The following ZC3H12C variants were observed in gnomAD, a reference collection of about 807,000 sequenced individuals.
The protein encoded by ZC3H12C is zinc finger CCCH-type containing 12C.
In ZC3H12C, 20 loss-of-function variants were observed where a neutral mutation model predicts 76.3. The observed-to-expected ratio is 0.26, with a 90% CI of 0.18 to 0.38. The LOEUF (loss-of-function observed/expected upper bound fraction) is 0.38, where lower values mean the gene tolerates loss of function less well. Ranked by LOEUF, ZC3H12C falls within the 10% of genes least tolerant of loss-of-function variation. ZC3H12C has a pLI of 1.00. For missense variants in ZC3H12C, 874 were observed against 1,086.5 expected, an observed-to-expected ratio of 0.80 and a Z score of 2.75; for synonymous variants, 352 against 399.6, an observed-to-expected ratio of 0.88 and a Z score of 1.42.
chr11:110,159,199 C>T, intron 3 of ZC3H12C, 57 bp from the exon 4 acceptor site: 2 of 1,335,488 alleles, frequency 1.5e-6, no homozygotes, highest in East Asian at 5.0e-5. Context: ...ATGAAAGTTG[C>T]CATGTGTGTT....
At chr11:110,149,997 T>A (rs1862241976) in intron 2 of ZC3H12C, among the ~76,000 whole-genome samples, 1 of 152,180 alleles carries the variant, frequency 6.6e-6, no homozygotes, top group African/African-American at 2.4e-5. Context: ...TCTTTTCATA[T>A]TTAAATATTT....
rs560239388 is a variant in ZC3H12C at position 110,103,648 on chromosome 11, C to T, written c.21+10216C>T. Among the ~76,000 whole-genome samples, 17 of 152,044 alleles carry T rather than the reference C, an allele frequency of 1.1e-4. No individual in the cohort carries two copies. In the East Asian group the frequency reaches 3.3e-3, roughly 29 times the overall value. On this transcript the variant is annotated intron_variant, in intron 1 of 5. Transcript: ENST00000278590. ...TGAGACAGAGTCTCGCTCTGTTGCC[C>T]AGGCTGGAGTGCAGTGGTGCGAACT...
At chr11:110,104,438 T>A (rs548318299) in intron 1 of ZC3H12C, among the ~76,000 whole-genome samples, 1 of 152,338 alleles carries the variant, frequency 6.6e-6, no homozygotes, top group Admixed American at 6.5e-5. Flanking sequence ...CTTGCTGACA[T>A]GATCGTTCCC....
chr11:110,148,793 CTATT>C (rs1402676619), intron 2 of ZC3H12C, among the ~76,000 whole-genome samples: 3 of 152,208 alleles, frequency 2.0e-5, no homozygotes, highest in African/African-American at 7.2e-5. Context: ...TGAATGTTCT[CTATT>C]TATAAGCAAT....
In ZC3H12C at chr11:110,167,407, C is replaced by A. The variant is rs1862603435; in HGVS notation, c.*1670C>A. On this transcript the variant is annotated 3_prime_UTR_variant, in exon 6 of 6. Transcript: ENST00000278590. ...CAAATTTTTAAAGTAAAATTGAGGTCTAGAATAGATTAGAAAATAAAAATA... is the reference window on the plus strand; with the variant it reads ...CAAATTTTTAAAGTAAAATTGAGGTATAGAATAGATTAGAAAATAAAAATA... The A allele has an allele frequency of 6.6e-6, 1 of 151,748 alleles. No homozygotes were observed. Among genetic ancestry groups the A allele is most frequent in the South Asian group, 2.1e-4 (1 of 4,818 alleles). 9.4% of individuals were successfully genotyped at this position (151,748 alleles called of 1,614,324 possible).
chr11:110,137,946 G>A (rs1407919999), intron 2 of ZC3H12C, among the ~76,000 whole-genome samples: 2 of 152,020 alleles, frequency 1.3e-5, no homozygotes, highest in Non-Finnish European at 2.9e-5. Context: ...GGAAAAAAAA[G>A]CAAAACTTTC....
chr11:110,134,957 A>C (rs1339389224), intron 1 of ZC3H12C, among the ~76,000 whole-genome samples: 1 of 152,154 alleles, frequency 6.6e-6, no homozygotes, highest in Non-Finnish European at 1.5e-5. Context: ...CTCTAATTAA[A>C]GTTTACCAGG....
At chr11:110,120,063 A>G (rs986723323) in intron 1 of ZC3H12C, among the ~76,000 whole-genome samples, 4 of 152,160 alleles carry the variant, frequency 2.6e-5, no homozygotes, top group African/African-American at 9.7e-5. Flanking sequence ...ACATGTATTT[A>G]TTATTTAAAT....
chr11:110,168,176 T>C lies in ZC3H12C; in HGVS notation c.*2439T>C, dbSNP rs944512906. On this transcript the variant is annotated 3_prime_UTR_variant, in exon 6 of 6. Transcript: ENST00000278590. Reference sequence around the variant, plus strand: ...TAGCTGACTATTTGTCATTGCCTCATGGATTTTAAATTATGGGAAAATAGT... The same window carrying C: ...TAGCTGACTATTTGTCATTGCCTCACGGATTTTAAATTATGGGAAAATAGT... 6.6e-6 allele frequency: 1 copy of C among 152,190 alleles called. No homozygotes were observed. Among genetic ancestry groups the C allele is most frequent in the Non-Finnish European group, 1.5e-5 (1 of 68,018 alleles). The allele number at this position is 152,190 out of a possible 1,614,324, so 9.4% of individuals were successfully genotyped here.
In ZC3H12C at chr11:110,170,093, T is replaced by A. The variant is rs1862649262; in HGVS notation, c.*4356T>A. ...GAAAATCTGGTAGTTTTTGATGTCCTTCAAAAGAGGATTGTTAGACATTGA... is the reference window on the plus strand; with the variant it reads ...GAAAATCTGGTAGTTTTTGATGTCCATCAAAAGAGGATTGTTAGACATTGA... On this transcript the variant is annotated 3_prime_UTR_variant, in exon 6 of 6. Transcript: ENST00000278590. The A allele has an allele frequency of 6.6e-6, 1 of 152,218 alleles. No homozygotes were observed. Among genetic ancestry groups the A allele is most frequent in the Admixed American group, 6.5e-5 (1 of 15,282 alleles). The allele number at this position is 152,218 out of a possible 1,614,324, so 9.4% of individuals were successfully genotyped here. A position where few individuals can be genotyped will look rare whatever the true frequency, so the allele number is the denominator to read the frequency against.
chr11:110,109,824 TG>T (rs780699703), intron 1 of ZC3H12C, among the ~76,000 whole-genome samples: 1 of 152,212 alleles, frequency 6.6e-6, no homozygotes, highest in Non-Finnish European at 1.5e-5. Context: ...TACAGTTATT[TG>T]GAAGAGCATT....
chr11:110,163,617 G>A lies in ZC3H12C; in HGVS notation c.1255+238G>A, dbSNP rs973613617. Among the ~76,000 whole-genome samples the A allele has an allele frequency of 8.5e-5, 13 of 152,274 alleles. No homozygotes were observed. In the South Asian group the frequency reaches 1.9e-3, roughly 22 times the overall value. ...GTTCAAAAAACACTGTTAATTCTACGTGAAGTTAGTTTTGAAGTGAATAAA... is the reference window on the plus strand; with the variant it reads ...GTTCAAAAAACACTGTTAATTCTACATGAAGTTAGTTTTGAAGTGAATAAA... On this transcript the variant is annotated intron_variant, in intron 5 of 5. Transcript: ENST00000278590.
intron 4 of ZC3H12C, among the ~76,000 whole-genome samples, chr11:110,160,650 T>C (rs1160479288): frequency 6.6e-6 from 1 of 152,198 alleles, no homozygotes; most frequent in Non-Finnish European, 1.5e-5. Flanking sequence ...GGGGCAGTAC[T>C]ATGCGTGGAG....
intron 1 of ZC3H12C, among the ~76,000 whole-genome samples, chr11:110,123,290 G>C (rs553355039): frequency 1.3e-5 from 2 of 152,272 alleles, no homozygotes; most frequent in East Asian, 3.9e-4. Flanking sequence ...CATTCCGTGA[G>C]TATTTACAGG....
At chr11:110,103,549 C>T (rs1861258321) in intron 1 of ZC3H12C, among the ~76,000 whole-genome samples, 1 of 151,744 alleles carries the variant, frequency 6.6e-6, no homozygotes, top group Non-Finnish European at 1.5e-5. Context: ...GCTTATCTTC[C>T]AGGTAATGGA....
At chr11:110,122,425 T>C (rs1861666831) in intron 1 of ZC3H12C, among the ~76,000 whole-genome samples, 1 of 152,198 alleles carries the variant, frequency 6.6e-6, no homozygotes, top group Non-Finnish European at 1.5e-5. Flanking sequence ...TAATCAATCA[T>C]GTGCCTTCTG....
intron 3 of ZC3H12C, among the ~76,000 whole-genome samples, chr11:110,153,878 C>T (rs1053195855): frequency 6.6e-6 from 1 of 152,200 alleles, no homozygotes; most frequent in Non-Finnish European, 1.5e-5. Context: ...GCAATGATGT[C>T]CTCTGTAACT....
At position 110,105,658 on chromosome 11, in the gene ZC3H12C, T is replaced by TA. The variant is rs1428062473; in HGVS notation, c.21+12232dup. ...ATTTATAATTCTTTTTTTCATCTTTTAAAAAATCTATTAATCTTTATAAAC... is the reference window on the plus strand; with the variant it reads ...ATTTATAATTCTTTTTTTCATCTTTTAAAAAAATCTATTAATCTTTATAAAC... On this transcript the variant is annotated intron_variant, in intron 1 of 5. Coordinates refer to ENST00000278590, the MANE Select transcript of ZC3H12C (RefSeq NM_033390.2). Among the ~76,000 whole-genome samples, 3 of 152,284 alleles carry TA rather than the reference T, an allele frequency of 2.0e-5. No individual in the cohort carries two copies. The East Asian group carries it at 5.8e-4, about 29-fold the overall frequency.
At chr11:110,121,522 A>G (rs1012581440) in intron 1 of ZC3H12C, among the ~76,000 whole-genome samples, 2 of 152,210 alleles carry the variant, frequency 1.3e-5, no homozygotes, top group African/African-American at 2.4e-5. Context: ...ACCTTTTGAT[A>G]TGTATAGAAC....
Sources: allele counts gnomAD v4.1 joint callset (sites outside exome capture counted in the v4.1 genomes callset), GRCh38; gene constraint gnomAD v4.1.1; transcripts MANE v1.5; gene names NCBI Gene and HGNC (gene_info 2026-07-23, HGNC 2026-07-21).